Variants in SLC4A10 observed in about 807,000 individuals in gnomAD.
SLC4A10 encodes the protein sodium-driven chloride bicarbonate exchanger.
In SLC4A10, 42 loss-of-function variants were observed where a neutral mutation model predicts 137.7. The ratio of observed to expected loss-of-function variants is 0.30; its 90% CI spans 0.24 to 0.39. The LOEUF (loss-of-function observed/expected upper bound fraction) is 0.39. SLC4A10 is among the 10% of genes least tolerant of loss of function. The probability of loss-of-function intolerance (pLI) is 1.00; values close to 1 mark genes in which losing one functional copy is unlikely to be tolerated. For missense variants in SLC4A10, 925 were observed against 1,355.0 expected, an observed-to-expected ratio of 0.68 and a Z score of 4.98; for synonymous variants, 474 against 464.1, an observed-to-expected ratio of 1.02 and a Z score of -0.27.
intron 10 of SLC4A10, among the ~76,000 whole-genome samples, chr2:161,883,863 TC>T (rs947943275): frequency 6.6e-6 from 1 of 152,178 alleles, no homozygotes; most frequent in Non-Finnish European, 1.5e-5. Flanking sequence ...TCCATCCAAA[TC>T]ATTGGATTTA....
chr2:161,693,170 G>A (rs1024068648), intron 1 of SLC4A10, among the ~76,000 whole-genome samples: 1 of 151,938 alleles, frequency 6.6e-6, no homozygotes, highest in East Asian at 1.9e-4. Flanking sequence ...ACTTCTTTAC[G>A]ATTTCAAAAC....
chr2:161,928,109 C>G (rs1394777697), intron 15 of SLC4A10, among the ~76,000 whole-genome samples: 11 of 150,790 alleles, frequency 7.3e-5, no homozygotes, highest in South Asian at 2.1e-4. Context: ...ATAGCAAAGA[C>G]TTGGAACCAA....
At chr2:161,712,057 C>G (rs936273789) in intron 1 of SLC4A10, among the ~76,000 whole-genome samples, 1 of 151,860 alleles carries the variant, frequency 6.6e-6, no homozygotes, top group Admixed American at 6.6e-5. Context: ...CTCCCTTAAT[C>G]TCTTTATCAA....
intron 1 of SLC4A10, among the ~76,000 whole-genome samples, chr2:161,687,532 T>G (rs2041567846): frequency 6.6e-6 from 1 of 152,228 alleles, no homozygotes; most frequent in Non-Finnish European, 1.5e-5. Flanking sequence ...AATTTAAAAC[T>G]TTAATATAGC....
intron 1 of SLC4A10, among the ~76,000 whole-genome samples, chr2:161,761,022 C>G (rs1375091912): frequency 6.6e-6 from 1 of 151,872 alleles, no homozygotes; most frequent in African/African-American, 2.4e-5. Flanking sequence ...ACAATAATAA[C>G]AAACATTTAT....
chr2:161,742,437 TTC>T (rs201459068), intron 1 of SLC4A10, among the ~76,000 whole-genome samples: 2,444 of 117,970 alleles, frequency 0.021, 89 homozygotes, highest in African/African-American at 0.089. Context: ...CTTTCTTTCT[TTC>T]TTTTTTTTTT....
At chr2:161,911,199 T>G (rs955825006) in intron 15 of SLC4A10, among the ~76,000 whole-genome samples, 91 of 152,134 alleles carry the variant, frequency 6.0e-4, no homozygotes, top group African/African-American at 2.1e-3. Flanking sequence ...AAGAAAATAG[T>G]GCTTGTTTAC....
chr2:161,702,843 G>T (rs919890740), intron 1 of SLC4A10, among the ~76,000 whole-genome samples: 2 of 151,876 alleles, frequency 1.3e-5, no homozygotes, highest in African/African-American at 4.8e-5. Flanking sequence ...GTCTATAAGC[G>T]TAGAAACAAG....
chr2:161,878,283 C>G (rs1416551297), intron 8 of SLC4A10, among the ~76,000 whole-genome samples: 1 of 152,112 alleles, frequency 6.6e-6, no homozygotes, highest in Non-Finnish European at 1.5e-5. Context: ...AAAAGCTACT[C>G]AAGTGAATTA....
chr2:161,850,200 G>A (rs1304804527), intron 4 of SLC4A10, among the ~76,000 whole-genome samples: 1 of 151,928 alleles, frequency 6.6e-6, no homozygotes, highest in Non-Finnish European at 1.5e-5. Context: ...GACCAGCTTG[G>A]CCAAAATGGC....
At chr2:161,741,666 AT>A (rs1278157571) in intron 1 of SLC4A10, among the ~76,000 whole-genome samples, 1 of 152,010 alleles carries the variant, frequency 6.6e-6, no homozygotes, top group Non-Finnish European at 1.5e-5. Context: ...TCTCCTTTAA[AT>A]TTTTTTTATT....
In SLC4A10 at chr2:161,664,227, T is replaced by C. The variant is rs186605173; in HGVS notation, c.48+39661T>C. 2.3e-3 allele frequency among the ~76,000 whole-genome samples: 357 copies of C among 152,136 alleles called. 2 individuals are homozygous for C. The highest frequency in any genetic ancestry group is 0.017 in the Middle Eastern group (5 of 294). On this transcript the variant is annotated intron_variant, in intron 1 of 26. Transcript: ENST00000446997. ...AGAGTTTTGGTTATCTCTTTAACCA[T>C]GTCATAAGAGTTATTATGAAGCAAC...
intron 1 of SLC4A10, among the ~76,000 whole-genome samples, chr2:161,665,843 A>C (rs1035399041): frequency 4.0e-5 from 6 of 150,616 alleles, no homozygotes; most frequent in Non-Finnish European, 8.9e-5. Flanking sequence ...TTTCAGTACA[A>C]TTTGTGTGTT....
intron 1 of SLC4A10, among the ~76,000 whole-genome samples, chr2:161,707,991 G>C (rs1351598308): frequency 6.6e-6 from 1 of 150,846 alleles, no homozygotes; most frequent in Non-Finnish European, 1.5e-5. Flanking sequence ...TCCTTCAAGA[G>C]AGTACAATTT....
At chr2:161,751,630 A>G (rs1216097357) in intron 1 of SLC4A10, among the ~76,000 whole-genome samples, 1 of 151,834 alleles carries the variant, frequency 6.6e-6, no homozygotes, top group African/African-American at 2.4e-5. Context: ...AGGGAAAGTC[A>G]TAGACCTCCT....
chr2:161,948,527 G>C (rs535080159), intron 17 of SLC4A10, among the ~76,000 whole-genome samples: 1 of 151,966 alleles, frequency 6.6e-6, no homozygotes, highest in South Asian at 2.1e-4. Context: ...TGTCATAAAG[G>C]CATCTTAAAA....
chr2:161,886,874 G>T (rs1242820192), intron 10 of SLC4A10, among the ~76,000 whole-genome samples: 3 of 151,902 alleles, frequency 2.0e-5, no homozygotes, highest in Non-Finnish European at 4.4e-5. Flanking sequence ...CACATGCCAT[G>T]GTGGTTTGCT....
intron 21 of SLC4A10, among the ~76,000 whole-genome samples, chr2:161,960,108 G>T (rs568874134): frequency 7.4e-4 from 112 of 152,134 alleles, no homozygotes; most frequent in African/African-American, 2.6e-3. Context: ...GCTCATGCCT[G>T]TAATCCCAGC....
intron 11 of SLC4A10, 140 bp downstream of exon 11, chr2:161,894,965 C>T (rs754323138): frequency 2.4e-5 from 9 of 378,198 alleles, no homozygotes; most frequent in East Asian, 1.2e-4. Flanking sequence ...CACAATGTGC[C>T]GGCTAGTTAC....
Sources: allele counts gnomAD v4.1 joint callset (sites outside exome capture counted in the v4.1 genomes callset), GRCh38; gene constraint gnomAD v4.1.1; transcripts MANE v1.5; gene names NCBI Gene and HGNC (gene_info 2026-07-23, HGNC 2026-07-21).